ATXN7L1: variants seen among roughly 807,000 people sequenced by gnomAD.
The protein encoded by ATXN7L1 is ataxin 7 like 1.
In ATXN7L1, 15 loss-of-function variants were observed where a neutral mutation model predicts 70.8. The ratio of observed to expected loss-of-function variants is 0.21; its 90% CI spans 0.14 to 0.33. The LOEUF is 0.33. Ranked by LOEUF, ATXN7L1 falls within the 10% of genes least tolerant of loss-of-function variation. The probability of loss-of-function intolerance (pLI) is 1.00; values close to 1 mark genes in which losing one functional copy is unlikely to be tolerated. For missense variants in ATXN7L1, 975 were observed against 1,097.1 expected (o/e 0.89, Z 1.57); for synonymous variants, 440 against 445.1 (o/e 0.99, Z 0.14).
intron 2 of ATXN7L1, among the ~76,000 whole-genome samples, chr7:105,825,962 AT>A (rs1810808328): frequency 6.6e-6 from 1 of 152,188 alleles, no homozygotes; most frequent in Non-Finnish European, 1.5e-5. Context: ...GGGGGTGGAG[AT>A]GTGTGACAGC....
chr7:105,795,475 T>A (rs1031093410), intron 2 of ATXN7L1, among the ~76,000 whole-genome samples: 2 of 152,244 alleles, frequency 1.3e-5, no homozygotes, highest in Non-Finnish European at 2.9e-5. Flanking sequence ...GCTGGTTTTG[T>A]GGATTCAGGA....
chr7:105,705,227 T>C (rs1793003103), intron 3 of ATXN7L1, among the ~76,000 whole-genome samples: 1 of 151,998 alleles, frequency 6.6e-6, no homozygotes, highest in Non-Finnish European at 1.5e-5. Context: ...GGTTTCACCA[T>C]GTTGGCCAGG....
chr7:105,682,228 C>CA (rs1805641936), intron 3 of ATXN7L1, among the ~76,000 whole-genome samples: 2 of 150,890 alleles, frequency 1.3e-5, no homozygotes, highest in African/African-American at 4.9e-5. Flanking sequence ...CGTCTCAAAA[C>CA]AAAAAACAAA....
At chr7:105,856,352 G>A in intron 2 of ATXN7L1, among the ~76,000 whole-genome samples, 1 of 152,182 alleles carries the variant, frequency 6.6e-6, no homozygotes, top group East Asian at 1.9e-4. Flanking sequence ...TTGGGAGGCT[G>A]AGGCGGGTCG....
At chr7:105,747,989 C>T (rs924609259) in intron 3 of ATXN7L1, among the ~76,000 whole-genome samples, 3 of 151,980 alleles carry the variant, frequency 2.0e-5, no homozygotes. Context: ...TGTGGTGACA[C>T]ATGCCTGTAA....
chr7:105,625,947 G>C (rs1213224227), intron 7 of ATXN7L1, among the ~76,000 whole-genome samples: 2 of 152,186 alleles, frequency 1.3e-5, no homozygotes, highest in Non-Finnish European at 2.9e-5. Context: ...TTGTTTTTCT[G>C]CTTTCTGCTT....
At chr7:105,789,288 G>C (rs1804778402) in intron 2 of ATXN7L1, among the ~76,000 whole-genome samples, 1 of 152,218 alleles carries the variant, frequency 6.6e-6, no homozygotes, top group South Asian at 2.1e-4. Flanking sequence ...GTGCCTGAAT[G>C]TGCCAGGCAC....
Position 105,816,235 on chromosome 7 carries a change from C to T in ATXN7L1, c.251-27527G>A, listed in dbSNP as rs184738934. On this transcript the variant is annotated intron_variant, in intron 2 of 11. Coordinates refer to ENST00000419735, the MANE Select transcript of ATXN7L1 (RefSeq NM_020725.2). Reference sequence around the variant, plus strand: ...GAGGGGTTAATACCAGAAAAAATAACAAAAAGATTTTAAAGAGGTTGTTCT... The same window carrying T: ...GAGGGGTTAATACCAGAAAAAATAATAAAAAGATTTTAAAGAGGTTGTTCT... Among the ~76,000 whole-genome samples the T allele has an allele frequency of 3.6e-3, 550 of 152,094 alleles. 8 individuals are homozygous for T. Among genetic ancestry groups the T allele is most frequent in the African/African-American group, 0.012 (510 of 41,482 alleles).
At chr7:105,759,624 C>T (rs528481460) in intron 3 of ATXN7L1, among the ~76,000 whole-genome samples, 2 of 152,204 alleles carry the variant, frequency 1.3e-5, no homozygotes, top group East Asian at 3.9e-4. Context: ...GCCCTGTCTA[C>T]ACATCCAGCA....
chr7:105,657,510 C>T (rs997191745), intron 4 of ATXN7L1, among the ~76,000 whole-genome samples: 6 of 151,450 alleles, frequency 4.0e-5, no homozygotes, highest in Admixed American at 1.3e-4. Flanking sequence ...CTCAGGAATT[C>T]GAGATGGTGA....
chr7:105,836,261 C>A (rs533228620), intron 2 of ATXN7L1, among the ~76,000 whole-genome samples: 4 of 152,246 alleles, frequency 2.6e-5, no homozygotes, highest in Non-Finnish European at 4.4e-5. Context: ...AGGTTTCTAT[C>A]ATGTTCAAGA....
intron 3 of ATXN7L1, among the ~76,000 whole-genome samples, chr7:105,692,176 G>C (rs1790968723): frequency 6.6e-6 from 1 of 152,130 alleles, no homozygotes; most frequent in African/African-American, 2.4e-5. Flanking sequence ...GGGAGGGGGA[G>C]GTGTCACATG....
Position 105,745,255 on chromosome 7 carries a change from C to A in ATXN7L1, c.355+43349G>T, listed in dbSNP as rs1044088769. 2.6e-5 allele frequency among the ~76,000 whole-genome samples: 4 copies of A among 152,090 alleles called. No individual in the cohort carries two copies. In the East Asian group the frequency reaches 7.7e-4, roughly 29 times the overall value. On this transcript the variant is annotated intron_variant, in intron 3 of 11. Coordinates refer to ENST00000419735, the MANE Select transcript of ATXN7L1 (RefSeq NM_020725.2). ...AAAAATATAAATATATATTAAAAAA[C>A]CAATCTGTATAGATACACATATATA...
At chr7:105,789,303 C>T (rs893070297) in intron 2 of ATXN7L1, among the ~76,000 whole-genome samples, 46 of 152,182 alleles carry the variant, frequency 3.0e-4, no homozygotes, top group African/African-American at 1.1e-3. Flanking sequence ...AGGCACTGTG[C>T]TAGGTGCTGG....
chr7:105,660,003 G>A (rs1801331228), intron 4 of ATXN7L1, among the ~76,000 whole-genome samples: 1 of 151,738 alleles, frequency 6.6e-6, no homozygotes, highest in Non-Finnish European at 1.5e-5. Context: ...TTCCCTTGAG[G>A]AAGCGGCAGG....
At chr7:105,729,800 C>T (rs945075185) in intron 3 of ATXN7L1, among the ~76,000 whole-genome samples, 8 of 149,566 alleles carry the variant, frequency 5.3e-5, no homozygotes, top group Admixed American at 1.3e-4. Context: ...TGCAGTGGTG[C>T]GATCTCTGCT....
intron 7 of ATXN7L1, among the ~76,000 whole-genome samples, chr7:105,631,524 C>T (rs565053264): frequency 3.9e-5 from 6 of 152,202 alleles, no homozygotes; most frequent in East Asian, 3.9e-4. Context: ...TAGAGTGCAG[C>T]GGTGCCATCT....
chr7:105,632,834 T>TCATTTGAA (rs1337164870), intron 7 of ATXN7L1, among the ~76,000 whole-genome samples: 2 of 146,728 alleles, frequency 1.4e-5, no homozygotes, highest in East Asian at 4.0e-4. Flanking sequence ...GGTGGGAGGA[T>TCATTTGAA]CATTTGAACC....
At chr7:105,642,198 C>A (rs1798362573) in intron 5 of ATXN7L1, among the ~76,000 whole-genome samples, 1 of 152,176 alleles carries the variant, frequency 6.6e-6, no homozygotes, top group South Asian at 2.1e-4. Flanking sequence ...CCTCTTCTGG[C>A]ACCCCAAGTG....
Sources: gnomAD v4.1 joint callset for allele counts (sites outside exome capture counted in the v4.1 genomes callset) on GRCh38, gnomAD v4.1.1 for gene constraint, MANE v1.5 for transcripts, NCBI Gene and HGNC (gene_info 2026-07-23, HGNC 2026-07-21) for gene names.